The following DLG2 variants were observed in gnomAD, a reference collection of about 807,000 sequenced individuals.
DLG2 encodes the protein disks large homolog 2.
In DLG2, 45 loss-of-function variants were observed where a neutral mutation model predicts 132.5. The observed-to-expected ratio is 0.34, with a 90% CI of 0.27 to 0.44. The LOEUF is 0.44. Ranked by LOEUF, DLG2 falls within the 20% of genes least tolerant of loss-of-function variation. DLG2 has a pLI of 1.00. For missense variants in DLG2, 1,045 were observed against 1,196.9 expected, an observed-to-expected ratio of 0.87 and a Z score of 1.87; for synonymous variants, 424 against 419.6, an observed-to-expected ratio of 1.01 and a Z score of -0.13.
At chr11:84,718,665 T>G (rs1398640007) in intron 6 of DLG2, among the ~76,000 whole-genome samples, 1 of 152,216 alleles carries the variant, frequency 6.6e-6, no homozygotes, top group Non-Finnish European at 1.5e-5. Context: ...GTAATTCTTG[T>G]AAGTTCATGG....
At chr11:83,804,307 A>G (rs903102192) in intron 17 of DLG2, among the ~76,000 whole-genome samples, 88 of 152,234 alleles carry the variant, frequency 5.8e-4, no homozygotes, top group Non-Finnish European at 2.9e-5. Context: ...TGAATGAGAA[A>G]TAATATTTAT....
At chr11:85,051,507 G>A (rs1267489780) in intron 6 of DLG2, among the ~76,000 whole-genome samples, 3 of 152,082 alleles carry the variant, frequency 2.0e-5, no homozygotes, top group South Asian at 4.1e-4. Context: ...ACTATGCTAA[G>A]GGCTGGGAAT....
chr11:84,925,442 A>C (rs10792789), intron 6 of DLG2, among the ~76,000 whole-genome samples: 55,373 of 151,956 alleles, frequency 0.36, 10,768 homozygotes, highest in East Asian at 0.64. Context: ...TGTCTAGCCT[A>C]CAAAATCCCA....
intron 11 of DLG2, among the ~76,000 whole-genome samples, chr11:84,057,553 A>G (rs1335984071): frequency 1.3e-5 from 2 of 152,122 alleles, no homozygotes; most frequent in Non-Finnish European, 1.5e-5. Flanking sequence ...CTTTTTACCC[A>G]GATTTAGTTC....
chr11:84,830,867 A>G (rs546842996), intron 6 of DLG2, among the ~76,000 whole-genome samples: 1 of 151,594 alleles, frequency 6.6e-6, no homozygotes, highest in South Asian at 2.1e-4. Flanking sequence ...TCTTAATGAA[A>G]TACAAGAATA....
rs10573464 is a variant in DLG2, at chr11:83,720,294, GAAAAAAAAAAAAAAAAAA to G, written c.1825+66378_1825+66395del. On this transcript the variant is annotated intron_variant, in intron 18 of 27. Coordinates refer to ENST00000376104, the MANE Select transcript of DLG2 (RefSeq NM_001142699.3). The stretch of plus-strand genomic sequence containing the variant: ...GGTGACAGAGTGAGACTCCATCTCA[GAAAAAAAAAAAAAAAAAA>G]AAAAAAAAAAAAAAGAATGACATTC... Among the ~76,000 whole-genome samples, 8 of 27,304 alleles carry G rather than the reference GAAAAAAAAAAAAAAAAAA, an allele frequency of 2.9e-4. No homozygotes were observed. The East Asian group carries it at 5.8e-3, about 20-fold the overall frequency. The allele number at this position is 27,304 out of a possible 152,430, so 17.9% of individuals were successfully genotyped here.
At chr11:83,613,570 C>A (rs927328267) in intron 19 of DLG2, among the ~76,000 whole-genome samples, 12 of 152,260 alleles carry the variant, frequency 7.9e-5, no homozygotes, top group African/African-American at 2.9e-4. Context: ...ATTGTAGCAT[C>A]AGATTCAAGG....
At chr11:84,549,657 A>G (rs922889234) in intron 6 of DLG2, among the ~76,000 whole-genome samples, 2 of 152,158 alleles carry the variant, frequency 1.3e-5, no homozygotes, top group Non-Finnish European at 2.9e-5. Flanking sequence ...CAGTGTCACT[A>G]TAGGAAATTG....
At chr11:84,967,186 T>C (rs2053463914) in intron 6 of DLG2, among the ~76,000 whole-genome samples, 1 of 152,118 alleles carries the variant, frequency 6.6e-6, no homozygotes, top group South Asian at 2.1e-4. Flanking sequence ...AGTATAGAAA[T>C]TACAAAATCT....
At chr11:84,056,370 G>C (rs963969618) in intron 11 of DLG2, among the ~76,000 whole-genome samples, 1 of 151,932 alleles carries the variant, frequency 6.6e-6, no homozygotes, top group Admixed American at 6.6e-5. Flanking sequence ...AAATCCTCTG[G>C]ACCATTTTGT....
chr11:85,551,315 A>G (rs1308653611), intron 3 of DLG2, among the ~76,000 whole-genome samples: 1 of 152,210 alleles, frequency 6.6e-6, no homozygotes, highest in African/African-American at 2.4e-5. Context: ...ATATATAATC[A>G]GCAATAAACA....
intron 6 of DLG2, among the ~76,000 whole-genome samples, chr11:84,812,430 T>C (rs549274939): frequency 2.0e-5 from 3 of 152,158 alleles, no homozygotes; most frequent in South Asian, 2.1e-4. Context: ...GTGTGCACAA[T>C]AAAATTTTTT....
At chr11:84,832,191 A>G (rs2079132582) in intron 6 of DLG2, among the ~76,000 whole-genome samples, 1 of 151,672 alleles carries the variant, frequency 6.6e-6, no homozygotes, top group Non-Finnish European at 1.5e-5. Flanking sequence ...AGAATTCCAA[A>G]GACAACTCAG....
chr11:85,280,226 T>A (rs2078144250), intron 4 of DLG2, among the ~76,000 whole-genome samples: 1 of 152,052 alleles, frequency 6.6e-6, no homozygotes, highest in Non-Finnish European at 1.5e-5. Flanking sequence ...ACAAGATCAT[T>A]ATCAATATAA....
intron 3 of DLG2, among the ~76,000 whole-genome samples, chr11:85,515,610 A>C: frequency 6.6e-6 from 1 of 151,982 alleles, no homozygotes; most frequent in Non-Finnish European, 1.5e-5. Flanking sequence ...ATTATTATTG[A>C]TTTTCAGATC....
intron 3 of DLG2, among the ~76,000 whole-genome samples, chr11:85,416,153 G>A (rs774056910): frequency 3.3e-4 from 50 of 152,038 alleles, no homozygotes; most frequent in East Asian, 5.8e-4. Flanking sequence ...GGTTGCTTTC[G>A]TCAGGTTTGT....
intron 9 of DLG2, among the ~76,000 whole-genome samples, chr11:84,107,177 G>C (rs927283016): frequency 6.6e-6 from 1 of 151,812 alleles, no homozygotes; most frequent in African/African-American, 2.4e-5. Context: ...GGAGAGAAGA[G>C]AGCACACAAA....
At chr11:85,414,375 C>G (rs1391174819) in intron 3 of DLG2, among the ~76,000 whole-genome samples, 1 of 151,940 alleles carries the variant, frequency 6.6e-6, no homozygotes, top group African/African-American at 2.4e-5. Flanking sequence ...CTTTACTGAT[C>G]TGGATGCCCT....
At chr11:84,005,239 T>C (rs72949818) in intron 11 of DLG2, among the ~76,000 whole-genome samples, 1,700 of 151,904 alleles carry the variant, frequency 0.011, 18 homozygotes, top group Middle Eastern at 0.02. Flanking sequence ...GCTAAGAACA[T>C]GTACTGGGGA....
Sources: gnomAD v4.1 joint callset for allele counts (sites outside exome capture counted in the v4.1 genomes callset) on GRCh38, gnomAD v4.1.1 for gene constraint, MANE v1.5 for transcripts, NCBI Gene and HGNC (gene_info 2026-07-23, HGNC 2026-07-21) for gene names.